The following SLC6A15 variants were observed in gnomAD, a reference collection of about 807,000 sequenced individuals.
SLC6A15 encodes the protein sodium-dependent neutral amino acid transporter B(0)AT2.
SLC6A15 carries 33 observed loss-of-function variants against 68.5 expected under a neutral mutation model. The observed-to-expected ratio is 0.48, with a 90% CI of 0.37 to 0.64. The LOEUF (loss-of-function observed/expected upper bound fraction) is 0.64. Ranked by LOEUF, SLC6A15 falls within the 30% of genes least tolerant of loss-of-function variation. The pLI is 0.00. For missense variants in SLC6A15, 747 were observed against 874.3 expected, an observed-to-expected ratio of 0.85 and a Z score of 1.84; for synonymous variants, 347 against 301.0, an observed-to-expected ratio of 1.15 and a Z score of -1.58.
At chr12:84,909,475 C>T (rs1269763067) in intron 1 of SLC6A15, among the ~76,000 whole-genome samples, 1 of 152,068 alleles carries the variant, frequency 6.6e-6, no homozygotes, top group East Asian at 1.9e-4. Flanking sequence ...CAGATAAATA[C>T]ATCAAAAATT....
At chr12:84,888,261 C>CG (rs1253262976) in intron 2 of SLC6A15, among the ~76,000 whole-genome samples, 1 of 99,330 alleles carries the variant, frequency 1.0e-5, no homozygotes, top group African/African-American at 5.4e-5. Flanking sequence ...GAGACCTTGT[C>CG]GAAAAAAAAA....
In SLC6A15 at chr12:84,912,294, C is replaced by A. The variant is rs187277473; in HGVS notation, c.-189+229G>T. Among the ~76,000 whole-genome samples, 15 of 152,302 alleles carry A rather than the reference C, an allele frequency of 9.8e-5. No homozygotes were observed. In the East Asian group the frequency reaches 2.9e-3, roughly 30 times the overall value. On this transcript the variant is annotated intron_variant, in intron 1 of 11. Coordinates refer to ENST00000266682, the MANE Select transcript of SLC6A15 (RefSeq NM_182767.6). ...CTTACATGTGCAGCCTGTCGCCCCC[C>A]ACCCTGATTGTACAGAGATGCAGAG...
At position 84,891,835 on chromosome 12, in the gene SLC6A15, C is replaced by T; in HGVS notation, c.286G>A (p.Gly96Ser). 1 of 1,610,332 alleles carries T rather than the reference C, an allele frequency of 6.2e-7. No individual in the cohort carries two copies. The highest frequency in any genetic ancestry group is 8.5e-7 in the Non-Finnish European group (1 of 1,177,680). ...ATCACTTAAAAAGATTACTTACCGC[C>T]CCCATTCTTCTGACATAGGTATGGA... is the stretch of plus-strand genomic sequence containing the variant. Reference protein sequence around the residue: ...RFPYLCQKNGGGAYLLPYLIL... With the variant: ...RFPYLCQKNGSGAYLLPYLIL... The change falls in exon 2 of 12, where the codon GGC (glycine) becomes AGC (serine). Residue 96 changes from glycine (G) to serine (S), a missense_variant. Gly to Ser is a moderately conservative substitution (Grantham distance 56). Transcript: ENST00000266682.
chr12:84,888,120 G>A (rs1872205162), intron 2 of SLC6A15, among the ~76,000 whole-genome samples: 1 of 150,822 alleles, frequency 6.6e-6, no homozygotes, highest in South Asian at 2.1e-4. Flanking sequence ...ACAGCTGAGC[G>A]TGGGCTGCGC....
chr12:84,861,354 A>G lies in SLC6A15; in HGVS notation c.*278T>C, dbSNP rs140163797. On this transcript the variant is annotated 3_prime_UTR_variant, in exon 12 of 12. Coordinates refer to ENST00000266682, the MANE Select transcript of SLC6A15 (RefSeq NM_182767.6). Reference sequence around the variant, plus strand: ...TAATACCATTTTTTTAAGAGATAGAAATATTTGAAAATACACCAAAGGTAC... The same window carrying G: ...TAATACCATTTTTTTAAGAGATAGAGATATTTGAAAATACACCAAAGGTAC... 12 of 286,376 alleles carry G rather than the reference A, an allele frequency of 4.2e-5. No homozygotes were observed. The East Asian group carries it at 6.5e-4, about 16-fold the overall frequency. The allele number at this position is 286,376 out of a possible 1,614,324, so 17.7% of individuals were successfully genotyped here.
At chr12:84,901,466 T>C (rs1269136313) in intron 1 of SLC6A15, among the ~76,000 whole-genome samples, 1 of 151,814 alleles carries the variant, frequency 6.6e-6, no homozygotes, top group Admixed American at 6.6e-5. Flanking sequence ...ATTACTGATA[T>C]TGGTAATAGG....
chr12:84,864,275 C>T (rs1870976651), intron 10 of SLC6A15, among the ~76,000 whole-genome samples: 1 of 150,412 alleles, frequency 6.6e-6, no homozygotes, highest in African/African-American at 2.4e-5. Flanking sequence ...CATATAATAA[C>T]TAATTGTTAT....
chr12:84,897,610 G>C (rs1872684044), intron 1 of SLC6A15, among the ~76,000 whole-genome samples: 2 of 152,030 alleles, frequency 1.3e-5, no homozygotes, highest in Admixed American at 6.6e-5. Flanking sequence ...TCTATTAATA[G>C]ATGAAATTAA....
chr12:84,905,858 T>C (rs1180022655), intron 1 of SLC6A15, among the ~76,000 whole-genome samples: 1 of 152,188 alleles, frequency 6.6e-6, no homozygotes, highest in African/African-American at 2.4e-5. Context: ...AAGATTTCCA[T>C]CACATAAGGA....
Position 84,885,390 on chromosome 12 carries a change from C to G in SLC6A15, c.574+45G>C, listed in dbSNP as rs1271351114. 5.3e-6 allele frequency: 8 copies of G among 1,502,360 alleles called. No individual in the cohort carries two copies. In the African/African-American group the frequency reaches 7.2e-5, roughly 13 times the overall value. 93.1% of individuals were successfully genotyped at this position (1,502,360 alleles called of 1,614,324 possible). A position where few individuals can be genotyped will look rare whatever the true frequency, so the allele number is the denominator to read the frequency against. ...CTTGAAAGCTTGTACCTTTGCCACT[C>G]TTATAATGCTTAAATACCAAAACAC... is the stretch of plus-strand genomic sequence containing the variant. On this transcript the variant is annotated intron_variant, in intron 4 of 11. Coordinates refer to ENST00000266682, the MANE Select transcript of SLC6A15 (RefSeq NM_182767.6).
intron 4 of SLC6A15, among the ~76,000 whole-genome samples, chr12:84,884,833 A>T (rs967263011): frequency 4.6e-5 from 7 of 151,996 alleles, no homozygotes; most frequent in African/African-American, 1.2e-4. Flanking sequence ...TAATGTTTAG[A>T]GTAATTATAT....
At chr12:84,869,462 CT>C (rs1432143602) in intron 9 of SLC6A15, among the ~76,000 whole-genome samples, 2 of 64,696 alleles carry the variant, frequency 3.1e-5, no homozygotes, top group African/African-American at 6.5e-5. Context: ...AAGACTCCGT[CT>C]CAAAAAAAAA....
At chr12:84,889,170 G>A (rs1872263505) in intron 2 of SLC6A15, among the ~76,000 whole-genome samples, 1 of 152,108 alleles carries the variant, frequency 6.6e-6, no homozygotes, top group Non-Finnish European at 1.5e-5. Context: ...TTTCTATATG[G>A]CTGCCTATAC....
At chr12:84,887,870 C>T (rs1332399103) in intron 2 of SLC6A15, among the ~76,000 whole-genome samples, 1 of 151,914 alleles carries the variant, frequency 6.6e-6, no homozygotes, top group African/African-American at 2.4e-5. Context: ...AGTAGATCTA[C>T]ATTCAATCCA....
chr12:84,862,143 G>C, intron 11 of SLC6A15, 137 bp from the exon 12 acceptor site: 2 of 825,826 alleles, frequency 2.4e-6, no homozygotes, highest in Non-Finnish European at 1.8e-6. Flanking sequence ...GAAAGCAGTA[G>C]AAGTGACACT....
chr12:84,875,043 C>T (rs12316707), intron 6 of SLC6A15, among the ~76,000 whole-genome samples: 9,404 of 152,070 alleles, frequency 0.062, 898 homozygotes, highest in African/African-American at 0.21. Context: ...GTACTGGGGC[C>T]ATATAGAATT....
intron 1 of SLC6A15, among the ~76,000 whole-genome samples, chr12:84,897,337 T>A: frequency 6.6e-6 from 1 of 151,726 alleles, no homozygotes; most frequent in South Asian, 2.1e-4. Flanking sequence ...GTTACAAATA[T>A]CTTAAAGTAA....
intron 5 of SLC6A15, among the ~76,000 whole-genome samples, chr12:84,877,584 AGATGCAGGGC>A (rs1871609432): frequency 6.6e-6 from 1 of 152,158 alleles, no homozygotes; most frequent in Non-Finnish European, 1.5e-5. Flanking sequence ...GCCAGCCTTA[AGATGCAGGGC>A]GGCACCTTCC....
rs1034540465 is a variant in SLC6A15, at chr12:84,861,382, A to T, written c.*250T>A. ...ATTTGAAAATACACCAAAGGTACTT[A>T]AAAAAAAATCCTGGCAAACATGTAC... On this transcript the variant is annotated 3_prime_UTR_variant, in exon 12 of 12. Transcript: ENST00000266682. 42 of 321,068 alleles carry T rather than the reference A, an allele frequency of 1.3e-4. No homozygotes were observed. The highest frequency in any genetic ancestry group is 8.4e-4 in the African/African-American group (39 of 46,624). 19.9% of individuals were successfully genotyped at this position (321,068 alleles called of 1,614,324 possible).
Sources: gnomAD v4.1 joint callset for allele counts (sites outside exome capture counted in the v4.1 genomes callset) on GRCh38, gnomAD v4.1.1 for gene constraint, MANE v1.5 for transcripts, NCBI Gene and HGNC (gene_info 2026-07-23, HGNC 2026-07-21) for gene names.